The following ADRA1D variants were observed in gnomAD, a reference collection of about 807,000 sequenced individuals.
The protein encoded by ADRA1D is alpha-1D adrenergic receptor.
Under a neutral mutation model 18.6 loss-of-function variants are expected in ADRA1D, and 22 were observed. The observed-to-expected ratio is 1.19, with a 90% CI of 0.85 to 1.69. The LOEUF (loss-of-function observed/expected upper bound fraction) is 1.69, where lower values mean the gene tolerates loss of function less well. ADRA1D is among the 40% of genes most tolerant of loss of function. The pLI, the probability that ADRA1D is intolerant of heterozygous loss-of-function variation, is 0.00. For synonymous variants in ADRA1D, 376 were observed against 388.2 expected, an observed-to-expected ratio of 0.97 and a Z score of 0.37; for missense variants, 840 against 840.7, an observed-to-expected ratio of 1.00 and a Z score of 0.01.
chr20:4,231,199 G>C (rs1980960087), intron 1 of ADRA1D, among the ~76,000 whole-genome samples: 1 of 151,338 alleles, frequency 6.6e-6, no homozygotes, highest in African/African-American at 2.4e-5. Context: ...CTGGGCTCAA[G>C]TGAGCCTCTT....
chr20:4,221,470 T>A lies in ADRA1D; in HGVS notation c.*53A>T. 1 of 1,537,400 alleles carries A rather than the reference T, an allele frequency of 6.5e-7. No homozygotes were observed. The highest frequency in any genetic ancestry group is 2.3e-5 in the East Asian group (1 of 43,810). ...CTCTTAGAACACCAGCCCGCCTCTCTGGTCCCCCTTACCCCCAAGCCCAGC... is the reference window on the plus strand; with the variant it reads ...CTCTTAGAACACCAGCCCGCCTCTCAGGTCCCCCTTACCCCCAAGCCCAGC... On this transcript the variant is annotated 3_prime_UTR_variant, in exon 2 of 2. Coordinates refer to ENST00000379453, the MANE Select transcript of ADRA1D (RefSeq NM_000678.4).
At chr20:4,246,050 A>G (rs1981330417) in intron 1 of ADRA1D, among the ~76,000 whole-genome samples, 1 of 152,234 alleles carries the variant, frequency 6.6e-6, no homozygotes. Flanking sequence ...TAAAAAAGCC[A>G]GCAGAGAGGG....
chr20:4,223,588 C>T (rs1351388688), intron 1 of ADRA1D, among the ~76,000 whole-genome samples: 2 of 152,178 alleles, frequency 1.3e-5, no homozygotes, highest in African/African-American at 4.8e-5. Flanking sequence ...TCAGTGTAGA[C>T]AGTCCCTGAC....
At chr20:4,241,834 A>G (rs1218991774) in intron 1 of ADRA1D, among the ~76,000 whole-genome samples, 1 of 152,198 alleles carries the variant, frequency 6.6e-6, no homozygotes, top group East Asian at 1.9e-4. Context: ...CTGGACACCA[A>G]TTACTAAGCA....
chr20:4,221,423 G>A lies in ADRA1D; in HGVS notation c.*100C>T, dbSNP rs554080702. ...AGAGCAGCTGCCCTGATCAGTTTCC[G>A]GGTCTCCGATTTGCACGGGGGCTCT... On this transcript the variant is annotated 3_prime_UTR_variant, in exon 2 of 2. Transcript: ENST00000379453. 1.5e-5 allele frequency: 20 copies of A among 1,319,820 alleles called. No homozygotes were observed. Among genetic ancestry groups the A allele is most frequent in the Non-Finnish European group, 1.8e-5 (17 of 956,384 alleles). The allele number at this position is 1,319,820 out of a possible 1,614,324, so 81.8% of individuals were successfully genotyped here. A position where few individuals can be genotyped will look rare whatever the true frequency, so the allele number is the denominator to read the frequency against.
chr20:4,234,391 T>C (rs981686456), intron 1 of ADRA1D, among the ~76,000 whole-genome samples: 1 of 152,238 alleles, frequency 6.6e-6, no homozygotes, highest in Non-Finnish European at 1.5e-5. Context: ...ACAGCCAGCC[T>C]TGCTCATAAC....
Position 4,221,270 on chromosome 20 carries a change from AC to A in ADRA1D, c.*252del, listed in dbSNP as rs2122651317. ...ATAGGGATTGGGAGCAAAAGGCCCC[AC>A]GGAGCCCGCAGCCTCTCCCTTCTAA... On this transcript the variant is annotated 3_prime_UTR_variant, in exon 2 of 2. Coordinates refer to ENST00000379453, the MANE Select transcript of ADRA1D (RefSeq NM_000678.4). 4.7e-6 allele frequency: 2 copies of A among 422,662 alleles called. No homozygotes were observed. Among genetic ancestry groups the A allele is most frequent in the East Asian group, 3.8e-5 (1 of 26,302 alleles). The allele number at this position is 422,662 out of a possible 1,614,324, so 26.2% of individuals were successfully genotyped here. A position where few individuals can be genotyped will look rare whatever the true frequency, so the allele number is the denominator to read the frequency against.
intron 1 of ADRA1D, among the ~76,000 whole-genome samples, chr20:4,246,678 A>T (rs1382630704): frequency 6.6e-6 from 1 of 152,214 alleles, no homozygotes; most frequent in Non-Finnish European, 1.5e-5. Context: ...AAATATTCAT[A>T]GTGTCCTATT....
chr20:4,240,424 T>A (rs1981186420), intron 1 of ADRA1D, among the ~76,000 whole-genome samples: 2 of 118,122 alleles, frequency 1.7e-5, no homozygotes, highest in South Asian at 2.7e-4. Flanking sequence ...TTTTTTTTTT[T>A]ACAGTTATTA....
Position 4,248,736 on chromosome 20 carries a change from G to A in ADRA1D, c.222C>T (p.Ser74=), listed in dbSNP as rs770757171. Residue 74 remains serine, a synonymous_variant, in exon 1 of 2, where the codon AGC becomes AGT. Transcript: ENST00000379453. ...CATTCACGTCGCCGCCCGCGCCCGC[G>A]CTCCCCGGCTCCCCCGCGGAGCTCC... ...DNRSSAGEPG[S]AGAGGDVNGT... is the part of the protein sequence containing the mutation. 21 of 1,533,510 alleles carry A rather than the reference G, an allele frequency of 1.4e-5. No individual in the cohort carries two copies. The Admixed American group carries it at 1.8e-4, about 13-fold the overall frequency. 95.0% of individuals were successfully genotyped at this position (1,533,510 alleles called of 1,614,324 possible).
chr20:4,249,040 G>C lies in ADRA1D; in HGVS notation c.-83C>G. The C allele has an allele frequency of 9.6e-7, 1 of 1,045,780 alleles. No homozygotes were observed. Among genetic ancestry groups the C allele is most frequent in the South Asian group, 2.3e-5 (1 of 43,702 alleles). 64.8% of individuals were successfully genotyped at this position (1,045,780 alleles called of 1,614,324 possible). ...GGGGAGCACAGGGCATAGCCGCGGG[G>C]CTCCAGATGCAGCTCCGCGCACGGG... On this transcript the variant is annotated 5_prime_UTR_variant, in exon 1 of 2. Transcript: ENST00000379453.
chr20:4,236,188 C>T (rs1800604582), intron 1 of ADRA1D, among the ~76,000 whole-genome samples: 1 of 152,186 alleles, frequency 6.6e-6, no homozygotes, highest in African/African-American at 2.4e-5. Flanking sequence ...TCGGCTCTGA[C>T]ACTTATAAAC....
At chr20:4,225,200 C>T (rs1277233203) in intron 1 of ADRA1D, among the ~76,000 whole-genome samples, 7 of 151,508 alleles carry the variant, frequency 4.6e-5, no homozygotes, top group African/African-American at 1.7e-4. Flanking sequence ...CGGGGTTTCA[C>T]CATGTTGATC....
At chr20:4,244,112 C>T (rs1325689648) in intron 1 of ADRA1D, among the ~76,000 whole-genome samples, 3 of 152,170 alleles carry the variant, frequency 2.0e-5, no homozygotes, top group Non-Finnish European at 4.4e-5. Flanking sequence ...CTCTGGAACT[C>T]CGGGCCCTTC....
intron 1 of ADRA1D, among the ~76,000 whole-genome samples, chr20:4,242,604 T>TGGCTCTCACAAGATAGGAGAGA (rs1454046513): frequency 2.0e-5 from 3 of 152,172 alleles, no homozygotes; most frequent in African/African-American, 7.2e-5. Flanking sequence ...GGCTCAGGTG[T>TGGCTCTCACAAGATAGGAGAGA]GGCTCACAGA....
Position 4,249,114 on chromosome 20 carries a change from C to G in ADRA1D, c.-157G>C, listed in dbSNP as rs1363702175. The G allele has an allele frequency of 1.2e-5, 7 of 575,906 alleles. No individual in the cohort carries two copies. The highest frequency in any genetic ancestry group is 6.0e-5 in the South Asian group (1 of 16,726). The allele number at this position is 575,906 out of a possible 1,614,324, so 35.7% of individuals were successfully genotyped here. ...TCCTGTGACGCGGAGCGCGGCTGTCCGAGAGCGGAGCTGCCTGGCCCGGGC... is the reference window on the plus strand; with the variant it reads ...TCCTGTGACGCGGAGCGCGGCTGTCGGAGAGCGGAGCTGCCTGGCCCGGGC... On this transcript the variant is annotated 5_prime_UTR_variant, in exon 1 of 2. Coordinates refer to ENST00000379453, the MANE Select transcript of ADRA1D (RefSeq NM_000678.4).
At chr20:4,234,938 GT>G (rs1436153184) in intron 1 of ADRA1D, among the ~76,000 whole-genome samples, 1 of 152,194 alleles carries the variant, frequency 6.6e-6, no homozygotes, top group Non-Finnish European at 1.5e-5. Flanking sequence ...GAGGAGGAGA[GT>G]GGTAAGAGAT....
intron 1 of ADRA1D, among the ~76,000 whole-genome samples, chr20:4,232,148 A>G (rs1350031756): frequency 1.3e-5 from 2 of 152,174 alleles, no homozygotes; most frequent in African/African-American, 4.8e-5. Context: ...TCCTGACCTC[A>G]GGTGATCCAC....
In ADRA1D at chr20:4,221,833, G is replaced by A. The variant is rs1387764015; in HGVS notation, c.1409C>T (p.Pro470Leu). Residue 470 changes from proline to leucine, a missense_variant, in exon 2 of 2, where the codon CCC becomes CTC. Coordinates refer to ENST00000379453, the MANE Select transcript of ADRA1D (RefSeq NM_000678.4). ...APLALTALPD[P>L]DPEPPGTPEM... ...GGGCGTGCCTGGGGGTTCGGGGTCG[G>A]GGTCGGGGAGCGCGGTGAGGGCCAG... The A allele has an allele frequency of 6.7e-6, 10 of 1,501,380 alleles. No individual in the cohort carries two copies. Among genetic ancestry groups the A allele is most frequent in the Non-Finnish European group, 8.8e-6 (10 of 1,131,238 alleles). 93.0% of individuals were successfully genotyped at this position (1,501,380 alleles called of 1,614,324 possible).
Sources: allele counts gnomAD v4.1 joint callset (sites outside exome capture counted in the v4.1 genomes callset), GRCh38; gene constraint gnomAD v4.1.1; transcripts MANE v1.5; gene names NCBI Gene and HGNC (gene_info 2026-07-23, HGNC 2026-07-21).